The following RERE variants were observed in gnomAD, a reference collection of about 807,000 sequenced individuals.
RERE encodes the protein arginine-glutamic acid dipeptide repeats protein.
A neutral mutation model predicts 146.1 loss-of-function variants in RERE; 40 were observed. The observed-to-expected ratio is 0.27, with a 90% CI of 0.21 to 0.36. The LOEUF (loss-of-function observed/expected upper bound fraction) is 0.36. RERE is among the 10% of genes least tolerant of loss of function. The pLI, the probability that RERE is intolerant of heterozygous loss-of-function variation, is 1.00. For synonymous variants in RERE, 1,003 were observed against 866.0 expected, an observed-to-expected ratio of 1.16 and a Z score of -2.78; for missense variants, 1,933 against 2,138.7, an observed-to-expected ratio of 0.90 and a Z score of 1.90.
chr1:8,473,756 C>T (rs1644720553), intron 10 of RERE, among the ~76,000 whole-genome samples: 1 of 152,196 alleles, frequency 6.6e-6, no homozygotes, highest in Non-Finnish European at 1.5e-5. Flanking sequence ...GGCCTAACAC[C>T]ACCAGCCCTC....
chr1:8,815,574 GAGAGA>G (rs1400320394), intron 1 of RERE, among the ~76,000 whole-genome samples: 27 of 152,338 alleles, frequency 1.8e-4, no homozygotes, highest in Admixed American at 9.8e-4. Context: ...AAGGGAGGCA[GAGAGA>G]AGAGAAGTCT....
intron 11 of RERE, among the ~76,000 whole-genome samples, chr1:8,453,895 A>G (rs1644419051): frequency 6.6e-6 from 1 of 152,206 alleles, no homozygotes; most frequent in African/African-American, 2.4e-5. Flanking sequence ...ACCCTAATTA[A>G]TTAGAGGCCC....
intron 11 of RERE, chr1:8,424,085 G>A (rs1044877078): frequency 2.0e-5 from 3 of 152,066 alleles, no homozygotes; most frequent in African/African-American, 7.2e-5. Context: ...TCCAGCCCAC[G>A]TTCCGGATGG....
chr1:8,358,950 C>T (rs929014436), intron 19 of RERE, 34 bp from the exon 20 acceptor site: 52 of 1,501,054 alleles, frequency 3.5e-5, no homozygotes, highest in South Asian at 1.3e-4. Context: ...AGGGGTCCCC[C>T]GAGCGCCTGG....
intron 4 of RERE, among the ~76,000 whole-genome samples, chr1:8,563,431 C>T (rs113605276): frequency 0.033 from 4,964 of 152,218 alleles, 113 homozygotes; most frequent in Non-Finnish European, 0.052. Context: ...GAGGAAAGAG[C>T]TTCTTTGTCC....
intron 10 of RERE, among the ~76,000 whole-genome samples, chr1:8,489,327 T>C (rs1644945582): frequency 6.6e-6 from 1 of 150,940 alleles, no homozygotes; most frequent in South Asian, 2.1e-4. Flanking sequence ...TCTACTGTAC[T>C]CCAGCCTTGG....
At chr1:8,457,235 C>G (rs917038093) in intron 11 of RERE, among the ~76,000 whole-genome samples, 3 of 152,172 alleles carry the variant, frequency 2.0e-5, no homozygotes, top group African/African-American at 7.2e-5. Flanking sequence ...AATGCAGAGC[C>G]AGACAGACAG....
chr1:8,692,234 C>T (rs1451792374), intron 1 of RERE, among the ~76,000 whole-genome samples: 1 of 152,116 alleles, frequency 6.6e-6, no homozygotes, highest in Non-Finnish European at 1.5e-5. Context: ...GGTCATCCCT[C>T]GGTATCCAAG....
intron 8 of RERE, among the ~76,000 whole-genome samples, chr1:8,499,507 T>G (rs909521210): frequency 6.6e-6 from 1 of 152,214 alleles, no homozygotes; most frequent in African/African-American, 2.4e-5. Context: ...TGGGACCCAG[T>G]GTGTGTACAT....
intron 7 of RERE, among the ~76,000 whole-genome samples, chr1:8,530,912 C>T (rs1308854245): frequency 9.3e-5 from 14 of 150,946 alleles, no homozygotes; most frequent in Admixed American, 9.2e-4. Flanking sequence ...AGGATGGTCC[C>T]GATCTCCTGA....
intron 4 of RERE, among the ~76,000 whole-genome samples, chr1:8,595,494 ATTTATT>A (rs1557701963): frequency 6.6e-6 from 1 of 151,380 alleles, no homozygotes; most frequent in Non-Finnish European, 1.5e-5. Context: ...ATTTTAATGT[ATTTATT>A]TTTATGTATT....
intron 1 of RERE, among the ~76,000 whole-genome samples, chr1:8,783,137 C>T (rs1641195948): frequency 6.6e-6 from 1 of 152,104 alleles, no homozygotes; most frequent in Admixed American, 6.6e-5. Context: ...AGTTCAAGAC[C>T]AGCCTGGGCA....
chr1:8,658,789 A>G (rs765781441), intron 1 of RERE, among the ~76,000 whole-genome samples: 27 of 152,006 alleles, frequency 1.8e-4, no homozygotes, highest in Non-Finnish European at 3.8e-4. Context: ...AGAAAGAAAA[A>G]AGAAAATTCT....
At chr1:8,804,252 G>T (rs1641641771) in intron 1 of RERE, among the ~76,000 whole-genome samples, 1 of 152,100 alleles carries the variant, frequency 6.6e-6, no homozygotes, top group South Asian at 2.1e-4. Context: ...AAATCAGAAG[G>T]CAGTTCATCT....
intron 7 of RERE, among the ~76,000 whole-genome samples, chr1:8,532,418 T>TG (rs71580032): frequency 0.37 from 31,158 of 84,346 alleles, 4,746 homozygotes; most frequent in East Asian, 0.79. Context: ...CTCTTTTATT[T>TG]GGGGGGGGTC....
At chr1:8,625,040 G>C (rs1646958013) in intron 2 of RERE, among the ~76,000 whole-genome samples, 1 of 152,200 alleles carries the variant, frequency 6.6e-6, no homozygotes, top group African/African-American at 2.4e-5. Context: ...AGGGAAGAAG[G>C]GTGCTTTCTT....
chr1:8,609,607 A>G (rs925262805), intron 4 of RERE, among the ~76,000 whole-genome samples: 2 of 152,210 alleles, frequency 1.3e-5, no homozygotes, highest in African/African-American at 4.8e-5. Context: ...TAAATAATGA[A>G]AAAGCAATAT....
intron 12 of RERE, among the ~76,000 whole-genome samples, chr1:8,406,013 C>T (rs1643427937): frequency 2.0e-5 from 3 of 152,136 alleles, no homozygotes; most frequent in Non-Finnish European, 2.9e-5. Flanking sequence ...CCTTCCCTTT[C>T]CCCCTAACAA....
At chr1:8,555,165 G>A (rs994522569) in intron 6 of RERE, among the ~76,000 whole-genome samples, 15 of 152,198 alleles carry the variant, frequency 9.9e-5, no homozygotes, top group African/African-American at 2.7e-4. Flanking sequence ...CTGGCACACC[G>A]CCTGCTTCCT....
Sources: gnomAD v4.1 joint callset for allele counts (sites outside exome capture counted in the v4.1 genomes callset) on GRCh38, gnomAD v4.1.1 for gene constraint, MANE v1.5 for transcripts, NCBI Gene and HGNC (gene_info 2026-07-23, HGNC 2026-07-21) for gene names.